Variants in NUP205 observed in about 807,000 individuals in gnomAD.
The protein encoded by NUP205 is nucleoporin 205, also known as nuclear pore complex protein Nup205.
In NUP205, 76 loss-of-function variants were observed where a neutral mutation model predicts 253.8. The observed-to-expected ratio is 0.30, with a 90% confidence interval of 0.25 to 0.36. The LOEUF (loss-of-function observed/expected upper bound fraction) is 0.36. Among genes scored for constraint, NUP205 ranks in the 10% least tolerant of loss-of-function variants. The probability of loss-of-function intolerance (pLI) is 1.00; values close to 1 mark genes in which losing one functional copy is unlikely to be tolerated. For missense variants in NUP205, 2,162 were observed against 2,425.5 expected (o/e 0.89, Z 2.28); for synonymous variants, 832 against 850.1 (o/e 0.98, Z 0.37).
intron 10 of NUP205, 46 bp from the exon 11 acceptor site, chr7:135,591,404 A>T: frequency 6.4e-7 from 1 of 1,569,612 alleles, no homozygotes. Context: ...GTTGCCTTAA[A>T]GTTAAGATAT....
Position 135,604,376 on chromosome 7 carries a change from T to C in NUP205, c.2739T>C (p.Ala913=), listed in dbSNP as rs1265195295. ...LYHGNTNPEL[A]FESAKILCCI... ...ATGGCAATACTAATCCAGAATTGGCTTTTGAAAGTGCCAAGATCCTCTGTT... is the reference window on the plus strand; with the variant it reads ...ATGGCAATACTAATCCAGAATTGGCCTTTGAAAGTGCCAAGATCCTCTGTT... Residue 913 remains alanine, a synonymous_variant, in exon 19 of 43, where the codon GCT becomes GCC. Coordinates refer to ENST00000285968, the MANE Select transcript of NUP205 (RefSeq NM_015135.3). The C allele has an allele frequency of 3.7e-6, 6 of 1,612,692 alleles. No homozygotes were observed. Among genetic ancestry groups the C allele is most frequent in the Non-Finnish European group, 5.1e-6 (6 of 1,179,356 alleles).
chr7:135,643,908 C>G (rs1794960915), intron 39 of NUP205, among the ~76,000 whole-genome samples: 1 of 152,194 alleles, frequency 6.6e-6, no homozygotes. Flanking sequence ...TGGCCAGTTC[C>G]TAAGGCAGTG....
chr7:135,566,898 T>C (rs1448602843), intron 1 of NUP205, among the ~76,000 whole-genome samples: 4 of 151,280 alleles, frequency 2.6e-5, no homozygotes, highest in Non-Finnish European at 5.9e-5. Flanking sequence ...CCACCATGCC[T>C]GGCTAATTTT....
At chr7:135,618,133 G>A (rs1040372349) in intron 27 of NUP205, among the ~76,000 whole-genome samples, 3 of 152,070 alleles carry the variant, frequency 2.0e-5, no homozygotes, top group East Asian at 3.9e-4. Context: ...TCTAGAGTAA[G>A]CAAGTATAAG....
rs764220560 is a variant in NUP205 at position 135,616,017 on chromosome 7, A to C, written c.3412A>C (p.Arg1138=). The C allele has an allele frequency of 1.7e-5, 27 of 1,613,802 alleles. No homozygotes were observed. The highest frequency in any genetic ancestry group is 8.3e-5 in the Admixed American group (5 of 59,984). The stretch of plus-strand genomic sequence containing the variant: ...GAATCGTCAGCGGTCACATACCCAG[A>C]GGCTCCTACACCTCTTACTGGATGA... ...SLNRQRSHTQ[R]LLHLLLDDMP... The change falls in exon 24 of 43, where the codon AGG becomes CGG. Residue 1138 remains arginine, a synonymous_variant. Coordinates refer to ENST00000285968, the MANE Select transcript of NUP205 (RefSeq NM_015135.3).
intron 20 of NUP205, among the ~76,000 whole-genome samples, 176 bp downstream of exon 20, chr7:135,606,402 AC>A (rs1447222932): frequency 6.6e-6 from 1 of 152,174 alleles, no homozygotes; most frequent in Non-Finnish European, 1.5e-5. Flanking sequence ...CCTTTTGACC[AC>A]CACCAACATG....
intron 1 of NUP205, 193 bp downstream of exon 1, chr7:135,558,165 G>C: frequency 1.6e-6 from 1 of 618,402 alleles, no homozygotes; most frequent in Non-Finnish European, 2.9e-6. Flanking sequence ...TCCAGCCCTC[G>C]AGTTGGGGTT....
Position 135,578,748 on chromosome 7 carries a change from C to A in NUP205, c.878-3C>A. ...GTAAAGTGGTCTATTTTTGTGTTTT[C>A]AGATATGATTCATCAACTTCCACTG... On this transcript the variant is annotated splice_region_variant and splice_polypyrimidine_tract_variant and intron_variant, in intron 6 of 42. Transcript: ENST00000285968. 6.3e-7 allele frequency: 1 copy of A among 1,582,146 alleles called. No individual in the cohort carries two copies. The highest frequency in any genetic ancestry group is 1.2e-5 in the South Asian group (1 of 86,070).
rs751305143 is a variant in NUP205, at chr7:135,618,623, A to C, written c.3963+20A>C. On this transcript the variant is annotated intron_variant, in intron 28 of 42. Transcript: ENST00000285968. The stretch of plus-strand genomic sequence containing the variant: ...GATAAGGTGACGTACTTCCTAAAAT[A>C]CTTTATACTGCTGAACGAATGTATC... 5.9e-6 allele frequency: 9 copies of C among 1,535,722 alleles called. No individual in the cohort carries two copies. The African/African-American group carries it at 1.2e-4, about 21-fold the overall frequency.
chr7:135,577,493 T>C (rs531851650), intron 5 of NUP205, among the ~76,000 whole-genome samples: 59 of 152,316 alleles, frequency 3.9e-4, no homozygotes, highest in South Asian at 2.9e-3. Context: ...TATTAAAGTT[T>C]GTAGTCAGCT....
chr7:135,642,297 C>T (rs1276093265), intron 38 of NUP205, among the ~76,000 whole-genome samples: 1 of 151,080 alleles, frequency 6.6e-6, no homozygotes, highest in Non-Finnish European at 1.5e-5. Flanking sequence ...TCCACGAAAT[C>T]CCTTAGTCAC....
chr7:135,596,689 C>T (rs1793843148), intron 13 of NUP205, among the ~76,000 whole-genome samples: 1 of 152,008 alleles, frequency 6.6e-6, no homozygotes, highest in Admixed American at 6.6e-5. Context: ...GTGACTCACA[C>T]CTGTAATCCC....
chr7:135,593,644 T>C (rs1410480657), intron 12 of NUP205, among the ~76,000 whole-genome samples: 1 of 152,210 alleles, frequency 6.6e-6, no homozygotes, highest in Non-Finnish European at 1.5e-5. Context: ...TTCATGACTG[T>C]ATATAATTTC....
chr7:135,567,124 GTGTGTA>G (rs1241216520), intron 1 of NUP205, among the ~76,000 whole-genome samples: 255 of 24,208 alleles, frequency 0.011, 24 homozygotes, highest in East Asian at 0.028. Flanking sequence ...CTCAGTCTAT[GTGTGTA>G]TATATATATA....
At chr7:135,595,327 G>A (rs992048581) in intron 13 of NUP205, among the ~76,000 whole-genome samples, 48 of 152,066 alleles carry the variant, frequency 3.2e-4, no homozygotes, top group African/African-American at 1.1e-3. Context: ...GGGTTAAAGC[G>A]ATTCTTGTGC....
Position 135,597,387 on chromosome 7 carries a change from T to C in NUP205, c.2033T>C (p.Ile678Thr), listed in dbSNP as rs760669765. The C allele has an allele frequency of 6.2e-7, 1 of 1,611,904 alleles. No homozygotes were observed. Among genetic ancestry groups the C allele is most frequent in the Non-Finnish European group, 8.5e-7 (1 of 1,178,026 alleles). Residue 678 changes from isoleucine to threonine, a missense_variant, in exon 14 of 43, where the codon ATT (isoleucine) becomes ACT (threonine). By Grantham distance (89) the Ile-to-Thr change is moderately conservative (BLOSUM62 -1). Transcript: ENST00000285968. ...EYTQILQTVRIPSQRQAIGIE... is the reference protein window; with the variant it reads ...EYTQILQTVRTPSQRQAIGIE... ...TTTAAGATACTGCAGACCGTGAGGA[T>C]TCCAAGCCAAAGGCAAGCTATTGGT...
intron 35 of NUP205, 136 bp from the exon 36 acceptor site, chr7:135,635,445 A>G (rs1794788888): frequency 4.2e-6 from 2 of 481,726 alleles, no homozygotes; most frequent in South Asian, 9.7e-5. Context: ...GTAAAATCAT[A>G]GTTCTCAAAA....
Position 135,604,351 on chromosome 7 carries a change from A to T in NUP205, c.2714A>T (p.His905Leu), listed in dbSNP as rs763485676. 1.9e-6 allele frequency: 3 copies of T among 1,608,162 alleles called. No homozygotes were observed. Among genetic ancestry groups the T allele is most frequent in the South Asian group, 2.2e-5 (2 of 89,492 alleles). The change falls in exon 19 of 43, where the codon CAT becomes CTT. Residue 905 changes from histidine to leucine, a missense_variant. Transcript: ENST00000285968. ...TCTTTTCTTTAAAGATACCTATATCATGGCAATACTAATCCAGAATTGGCT... is the reference window on the plus strand; with the variant it reads ...TCTTTTCTTTAAAGATACCTATATCTTGGCAATACTAATCCAGAATTGGCT... The part of the protein sequence containing the change: ...NVVNIARYLY[H>L]GNTNPELAFE...
intron 35 of NUP205, among the ~76,000 whole-genome samples, chr7:135,631,682 A>G (rs1186026490): frequency 3.3e-5 from 5 of 151,758 alleles, no homozygotes; most frequent in African/African-American, 1.2e-4. Context: ...GTTCCCCACC[A>G]TGGCGTCACC....
Sources: allele counts gnomAD v4.1 joint callset (sites outside exome capture counted in the v4.1 genomes callset), GRCh38; gene constraint gnomAD v4.1.1; transcripts MANE v1.5; gene names NCBI Gene and HGNC (gene_info 2026-07-23, HGNC 2026-07-21).